Variants in PLEKHA8 observed in about 807,000 individuals in gnomAD.
PLEKHA8 encodes pleckstrin homology domain containing A8.
PLEKHA8 carries 36 observed loss-of-function variants against 68.2 expected under a neutral mutation model. The ratio of observed to expected loss-of-function variants is 0.53; its 90% CI spans 0.40 to 0.70. PLEKHA8 has a LOEUF of 0.70. Among genes scored for constraint, PLEKHA8 ranks in the 30% least tolerant of loss-of-function variants. PLEKHA8 has a pLI of 0.00. For synonymous variants in PLEKHA8, 211 were observed against 216.1 expected, an observed-to-expected ratio of 0.98 and a Z score of 0.20; for missense variants, 505 against 615.4, an observed-to-expected ratio of 0.82 and a Z score of 1.90.
chr7:30,066,777 C>G (rs1793876689), intron 12 of PLEKHA8, among the ~76,000 whole-genome samples: 1 of 152,108 alleles, frequency 6.6e-6, no homozygotes, highest in African/African-American at 2.4e-5. Flanking sequence ...AGAATGATCC[C>G]ATAAATGTCA....
At chr7:30,110,484 G>A (rs1796236591) in intron 13 of PLEKHA8, among the ~76,000 whole-genome samples, 1 of 152,194 alleles carries the variant, frequency 6.6e-6, no homozygotes, top group African/African-American at 2.4e-5. Context: ...GAATATTTGT[G>A]TACCAGTCAT....
intron 12 of PLEKHA8, among the ~76,000 whole-genome samples, chr7:30,064,699 A>C (rs1384875488): frequency 6.6e-6 from 1 of 152,234 alleles, no homozygotes; most frequent in African/African-American, 2.4e-5. Context: ...CACATCAGTA[A>C]TGGAAAGTTT....
chr7:30,102,115 T>C (rs1795875117), intron 13 of PLEKHA8, among the ~76,000 whole-genome samples: 1 of 152,054 alleles, frequency 6.6e-6, no homozygotes, highest in East Asian at 1.9e-4. Flanking sequence ...AATTTAAAAA[T>C]AGGCAAAGGA....
intron 13 of PLEKHA8, among the ~76,000 whole-genome samples, chr7:30,127,083 TCTC>T (rs1796784666): frequency 6.6e-6 from 1 of 152,236 alleles, no homozygotes; most frequent in Admixed American, 6.5e-5. Context: ...AAGAATATCT[TCTC>T]CTTCTTACTA....
Position 30,052,875 on chromosome 7 carries a change from A to G in PLEKHA8, c.796+9A>G. The G allele has an allele frequency of 6.4e-7, 1 of 1,565,008 alleles. No homozygotes were observed. The highest frequency in any genetic ancestry group is 1.7e-4 in the Middle Eastern group (1 of 5,938). ...AGATGATAATATAACAGGTAAAAACAAAAGTAAAGTCTGAAACAAACCAAT... is the reference window on the plus strand; with the variant it reads ...AGATGATAATATAACAGGTAAAAACGAAAGTAAAGTCTGAAACAAACCAAT... On this transcript the variant is annotated intron_variant, in intron 7 of 13. Coordinates refer to ENST00000449726, the MANE Select transcript of PLEKHA8 (RefSeq NM_001197026.2).
Position 30,084,013 on chromosome 7 carries a change from AT to A in PLEKHA8, c.*5227del, listed in dbSNP as rs1935652064. 1.0e-6 allele frequency: 1 copy of A among 985,448 alleles called. No homozygotes were observed. The highest frequency in any genetic ancestry group is 1.7e-5 in the African/African-American group (1 of 57,356). 61.0% of individuals were successfully genotyped at this position (985,448 alleles called of 1,614,324 possible). A position where few individuals can be genotyped will look rare whatever the true frequency, so the allele number is the denominator to read the frequency against. On this transcript the variant is annotated 3_prime_UTR_variant, in exon 14 of 14. Transcript: ENST00000449726. Reference sequence around the variant, plus strand: ...GCCAGTTCCATGGCATGTTTAATGTATAATTCCCATGTATCATGAGAATTTC... The same window carrying A: ...GCCAGTTCCATGGCATGTTTAATGTAAATTCCCATGTATCATGAGAATTTC...
At chr7:30,084,702 T>TA, downstream of PLEKHA8, 1 of 857,640 alleles carries the variant, frequency 1.2e-6, no homozygotes, top group Middle Eastern at 5.9e-4. Context: ...AATATGTCAA[T>TA]AAAAAGTCTC....
chr7:30,082,698 A>AT lies in PLEKHA8; in HGVS notation c.*3916dup. 1.1e-5 allele frequency: 11 copies of AT among 985,172 alleles called. No homozygotes were observed. The highest frequency in any genetic ancestry group is 1.3e-5 in the Non-Finnish European group (11 of 829,722). 61.0% of individuals were successfully genotyped at this position (985,172 alleles called of 1,614,324 possible). ...GATAGGGACCAAATAAGTAAAGTAC[A>AT]TTTTTCTCCACTAAATTTGAAGTGA... On this transcript the variant is annotated 3_prime_UTR_variant, in exon 14 of 14. Transcript: ENST00000449726.
downstream of PLEKHA8, among the ~76,000 whole-genome samples, chr7:30,093,870 TC>T (rs1212621053): frequency 6.6e-6 from 1 of 152,224 alleles, no homozygotes; most frequent in Non-Finnish European, 1.5e-5. Flanking sequence ...CAGATTGGAC[TC>T]TGGTCTGCCT....
At chr7:30,049,200 T>G (rs374358718) in intron 4 of PLEKHA8, 24 bp from the exon 5 acceptor site, 2 of 1,612,946 alleles carry the variant, frequency 1.2e-6, no homozygotes, top group African/African-American at 2.7e-5. Context: ...GGTAAAGGAG[T>G]CTTCCACTCT....
chr7:30,032,942 C>A (rs1247683856), intron 1 of PLEKHA8, among the ~76,000 whole-genome samples: 1 of 152,200 alleles, frequency 6.6e-6, no homozygotes, highest in African/African-American at 2.4e-5. Flanking sequence ...ATAACAAAAG[C>A]CTGCATCATA....
In PLEKHA8 at chr7:30,067,777, C is replaced by G. The variant is rs1314732758; in HGVS notation, c.1300+5035C>G. ...TCACTCAGTATTTTCAGACTTTAGC[C>G]ACTGTTGAAGTGGCTTGTAGTCCTG... On this transcript the variant is annotated intron_variant, in intron 12 of 13. Coordinates refer to ENST00000449726, the MANE Select transcript of PLEKHA8 (RefSeq NM_001197026.2). 2.0e-5 allele frequency among the ~76,000 whole-genome samples: 3 copies of G among 152,154 alleles called. No individual in the cohort carries two copies. In the East Asian group the frequency reaches 5.8e-4, roughly 29 times the overall value.
chr7:30,070,746 G>A (rs62446714), intron 12 of PLEKHA8, among the ~76,000 whole-genome samples: 25,498 of 151,962 alleles, frequency 0.17, 2,179 homozygotes, highest in Middle Eastern at 0.22. Context: ...GGGTTTCACC[G>A]TCTTGTCCAG....
At chr7:30,091,477 A>AT (rs201347059), downstream of PLEKHA8, among the ~76,000 whole-genome samples, 23 of 149,142 alleles carry the variant, frequency 1.5e-4, no homozygotes, top group African/African-American at 4.7e-4. Flanking sequence ...ATCTCACTAC[A>AT]TTTTTTTTTC....
At chr7:30,056,373 ATAAC>A (rs1224034970) in intron 9 of PLEKHA8, among the ~76,000 whole-genome samples, 10 of 116,130 alleles carry the variant, frequency 8.6e-5, no homozygotes, top group African/African-American at 3.3e-4. Flanking sequence ...ATATATATAA[ATAAC>A]ATATATATAA....
intron 9 of PLEKHA8, among the ~76,000 whole-genome samples, chr7:30,059,667 T>C (rs1311506887): frequency 7.4e-6 from 1 of 135,896 alleles, no homozygotes; most frequent in Non-Finnish European, 1.6e-5. Flanking sequence ...CAATCAAGTA[T>C]TTTTTTTTTT....
chr7:30,079,387 C>T lies in PLEKHA8; in HGVS notation c.*600C>T. On this transcript the variant is annotated 3_prime_UTR_variant, in exon 14 of 14. Coordinates refer to ENST00000449726, the MANE Select transcript of PLEKHA8 (RefSeq NM_001197026.2). ...AAGAAGACGTGGACAGGAGTCCCAT[C>T]CTTGCTGACAGGCATGAAACCGTTG... The T allele has an allele frequency of 1.0e-6, 1 of 985,892 alleles. No individual in the cohort carries two copies. The highest frequency in any genetic ancestry group is 4.7e-5 in the South Asian group (1 of 21,292). The allele number at this position is 985,892 out of a possible 1,614,324, so 61.1% of individuals were successfully genotyped here.
At chr7:30,034,599 T>C (rs1300513940) in intron 1 of PLEKHA8, among the ~76,000 whole-genome samples, 1 of 152,178 alleles carries the variant, frequency 6.6e-6, no homozygotes, top group African/African-American at 2.4e-5. Context: ...AGAAAATACA[T>C]TTACTGTTCA....
In PLEKHA8 at chr7:30,083,229, G is replaced by T. The variant is rs1450737715; in HGVS notation, c.*4442G>T. 1 of 982,444 alleles carries T rather than the reference G, an allele frequency of 1.0e-6. No homozygotes were observed. The highest frequency in any genetic ancestry group is 1.7e-5 in the African/African-American group (1 of 57,152). The allele number at this position is 982,444 out of a possible 1,614,324, so 60.9% of individuals were successfully genotyped here. A position where few individuals can be genotyped will look rare whatever the true frequency, so the allele number is the denominator to read the frequency against. Reference sequence around the variant, plus strand: ...TGTATGGTAAATTTGTATTCTTATGGATTGTATATAGAATGCTTTCGTTAG... The same window carrying T: ...TGTATGGTAAATTTGTATTCTTATGTATTGTATATAGAATGCTTTCGTTAG... On this transcript the variant is annotated 3_prime_UTR_variant, in exon 14 of 14. Coordinates refer to ENST00000449726, the MANE Select transcript of PLEKHA8 (RefSeq NM_001197026.2).
Sources: gnomAD v4.1 joint callset for allele counts (sites outside exome capture counted in the v4.1 genomes callset) on GRCh38, gnomAD v4.1.1 for gene constraint, MANE v1.5 for transcripts, NCBI Gene and HGNC (gene_info 2026-07-23, HGNC 2026-07-21) for gene names.